GALM: variants seen among roughly 807,000 people sequenced by gnomAD.
GALM encodes galactose mutarotase.
Under a neutral mutation model 37.4 loss-of-function variants are expected in GALM, and 43 were observed. The ratio of observed to expected loss-of-function variants is 1.15; its 90% confidence interval spans 0.90 to 1.48. The LOEUF is 1.48. Among genes scored for constraint, GALM ranks in the 40% most tolerant of loss-of-function variants. GALM has a pLI of 0.00. For synonymous variants in GALM, 199 were observed against 170.6 expected (o/e 1.17, Z -1.30); for missense variants, 456 against 419.1 (o/e 1.09, Z -0.77).
chr2:38,717,340 T>C (rs1666288720), intron 4 of GALM, among the ~76,000 whole-genome samples: 1 of 150,190 alleles, frequency 6.7e-6, no homozygotes, highest in African/African-American at 2.4e-5. Flanking sequence ...TGTGTGTGTG[T>C]GTGTGTATAA....
intron 2 of GALM, 134 bp downstream of exon 2, chr2:38,676,200 G>A (rs1308077211): frequency 2.5e-6 from 2 of 812,068 alleles, no homozygotes; most frequent in Non-Finnish European, 4.0e-6. Flanking sequence ...ATGGTTCAGG[G>A]CAGCAGGTGC....
chr2:38,694,641 A>G (rs528173681), intron 4 of GALM, among the ~76,000 whole-genome samples: 1 of 152,202 alleles, frequency 6.6e-6, no homozygotes, highest in African/African-American at 2.4e-5. Context: ...TCAAGCCTGT[A>G]ATCCCAGCAC....
intron 4 of GALM, among the ~76,000 whole-genome samples, chr2:38,710,153 T>C (rs755207833): frequency 7.9e-5 from 12 of 152,210 alleles, no homozygotes. Context: ...AGATCACCTG[T>C]GCAACTTGTG....
intron 3 of GALM, 42 bp from the exon 4 acceptor site, chr2:38,689,771 T>C: frequency 8.7e-7 from 1 of 1,155,648 alleles, no homozygotes; most frequent in East Asian, 2.4e-5. Context: ...ATATATGAAA[T>C]AAGACTAAGC....
chr2:38,678,017 CTT>C (rs372206191), intron 2 of GALM, among the ~76,000 whole-genome samples: 30 of 138,232 alleles, frequency 2.2e-4, no homozygotes, highest in Admixed American at 3.6e-4. Context: ...ACTTTGAACT[CTT>C]TTTTTTTTTT....
intron 4 of GALM, among the ~76,000 whole-genome samples, chr2:38,698,037 G>A (rs1212904283): frequency 2.6e-5 from 4 of 151,870 alleles, no homozygotes; most frequent in Non-Finnish European, 4.4e-5. Flanking sequence ...TCCGCCTTCC[G>A]GGTTCAAATG....
chr2:38,682,849 CTG>C (rs2148430424), intron 3 of GALM, among the ~76,000 whole-genome samples: 1 of 151,454 alleles, frequency 6.6e-6, no homozygotes, highest in East Asian at 1.9e-4. Flanking sequence ...TGAGCTGAGA[CTG>C]CGCCATTGCA....
chr2:38,685,830 G>A (rs538984609), intron 3 of GALM, among the ~76,000 whole-genome samples: 4 of 152,096 alleles, frequency 2.6e-5, no homozygotes, highest in African/African-American at 7.2e-5. Context: ...GGATTCTCCC[G>A]CCTCAGCCTC....
chr2:38,689,947 G>A, intron 4 of GALM, 53 bp downstream of exon 4: 1 of 977,918 alleles, frequency 1.0e-6, no homozygotes, highest in Non-Finnish European at 1.6e-6. Flanking sequence ...TGGCTCTCGA[G>A]GCCAAGAAAG....
chr2:38,676,090 G>A (rs768761980), intron 2 of GALM, 24 bp downstream of exon 2: 14 of 1,612,452 alleles, frequency 8.7e-6, no homozygotes, highest in Middle Eastern at 1.7e-4. Flanking sequence ...ATGTGACTGA[G>A]TTCCCTTTAG....
intron 4 of GALM, among the ~76,000 whole-genome samples, chr2:38,712,162 G>C (rs1424457833): frequency 6.6e-6 from 1 of 152,012 alleles, no homozygotes; most frequent in Non-Finnish European, 1.5e-5. Flanking sequence ...CTATCTTTTG[G>C]ATTCCTGGTT....
At chr2:38,702,574 G>A (rs1665941065) in intron 4 of GALM, among the ~76,000 whole-genome samples, 1 of 151,940 alleles carries the variant, frequency 6.6e-6, no homozygotes, top group African/African-American at 2.4e-5. Context: ...TCTGGAAACT[G>A]TAGATTCTTT....
At chr2:38,708,440 C>T (rs1355090485) in intron 4 of GALM, among the ~76,000 whole-genome samples, 1 of 152,104 alleles carries the variant, frequency 6.6e-6, no homozygotes, top group East Asian at 1.9e-4. Context: ...ACAGAAAGGA[C>T]TGGTATTGAA....
intron 4 of GALM, among the ~76,000 whole-genome samples, chr2:38,717,347 A>G (rs992731835): frequency 4.5e-5 from 6 of 134,534 alleles, no homozygotes; most frequent in South Asian, 2.3e-4. Context: ...GTGTGTGTGT[A>G]TAAAAGAGAG....
intron 4 of GALM, among the ~76,000 whole-genome samples, chr2:38,715,904 TCC>T (rs1457482301): frequency 6.6e-6 from 1 of 152,216 alleles, no homozygotes; most frequent in Non-Finnish European, 1.5e-5. Flanking sequence ...AGTCTCGTTA[TCC>T]CCATTTTACA....
intron 4 of GALM, among the ~76,000 whole-genome samples, chr2:38,712,725 T>C (rs981248482): frequency 1.3e-5 from 2 of 152,186 alleles, no homozygotes; most frequent in Non-Finnish European, 2.9e-5. Flanking sequence ...GCAGCCATGG[T>C]GTTGCCTGCG....
chr2:38,727,287 C>T (rs1005374124), intron 4 of GALM, among the ~76,000 whole-genome samples: 2 of 151,746 alleles, frequency 1.3e-5, no homozygotes, highest in African/African-American at 4.8e-5. Flanking sequence ...AAACAGTGGA[C>T]ACCCACACAC....
chr2:38,669,906 T>G (rs1665045788), intron 1 of GALM, among the ~76,000 whole-genome samples: 1 of 151,428 alleles, frequency 6.6e-6, no homozygotes, highest in African/African-American at 2.4e-5. Flanking sequence ...TTTTTTTTTT[T>G]TTTTTTAGTG....
chr2:38,685,065 C>G (rs896774913), intron 3 of GALM, among the ~76,000 whole-genome samples: 1 of 152,088 alleles, frequency 6.6e-6, no homozygotes, highest in Admixed American at 6.6e-5. Flanking sequence ...ACAAAAAGAC[C>G]CATTCCATTT....
Sources: gnomAD v4.1 joint callset for allele counts (sites outside exome capture counted in the v4.1 genomes callset) on GRCh38, gnomAD v4.1.1 for gene constraint, MANE v1.5 for transcripts, NCBI Gene and HGNC (gene_info 2026-07-23, HGNC 2026-07-21) for gene names.